STX16: variants seen among roughly 807,000 people sequenced by gnomAD.
STX16 encodes the protein syntaxin-16.
STX16 carries 28 observed loss-of-function variants against 42.7 expected under a neutral mutation model. That is an observed-to-expected ratio of 0.66 (90% CI 0.49 to 0.90). STX16 has a LOEUF of 0.90. Among genes scored for constraint, STX16 ranks in the 40% least tolerant of loss-of-function variants. STX16 has a pLI of 0.00. For missense variants in STX16, 361 were observed against 420.9 expected (o/e 0.86, Z 1.24); for synonymous variants, 156 against 155.2 (o/e 1.00, Z -0.04).
chr20:58,671,465 T>G (rs1336398503), intron 7 of STX16, among the ~76,000 whole-genome samples, 168 bp downstream of exon 7: 1 of 121,300 alleles, frequency 8.2e-6, no homozygotes, highest in Non-Finnish European at 1.8e-5. Context: ...TGTGTGTGTG[T>G]GTGTGTGTAT....
intron 2 of STX16, chr20:58,667,051 T>C: frequency 3.4e-6 from 1 of 293,622 alleles, no homozygotes; most frequent in Non-Finnish European, 6.6e-6. Context: ...TTGAGCATTT[T>C]GTAGTTGTTT....
At chr20:58,671,912 T>G in intron 7 of STX16, among the ~76,000 whole-genome samples, 1 of 152,150 alleles carries the variant, frequency 6.6e-6, no homozygotes, top group Non-Finnish European at 1.5e-5. Context: ...TCAGAAAATA[T>G]GAAGTTCAAA....
rs1006522264 is a variant in STX16 at position 58,651,810 on chromosome 20, G to T, written c.-197G>T. The stretch of plus-strand genomic sequence containing the variant: ...GTAGGGGGAGTCAGACAATTGGAAA[G>T]CCTAGGTAGTTATTTGGGGAGGGGT... On this transcript the variant is annotated 5_prime_UTR_variant, in exon 1 of 9. Transcript: ENST00000371141. 1.7e-6 allele frequency: 1 copy of T among 580,534 alleles called. No homozygotes were observed. Among genetic ancestry groups the T allele is most frequent in the Non-Finnish European group, 3.1e-6 (1 of 326,308 alleles). The allele number at this position is 580,534 out of a possible 1,614,324, so 36.0% of individuals were successfully genotyped here. A position where few individuals can be genotyped will look rare whatever the true frequency, so the allele number is the denominator to read the frequency against.
At position 58,679,381 on chromosome 20, in the gene STX16, T is replaced by C. The variant is rs897545181; in HGVS notation, c.*3090T>C. On this transcript the variant is annotated 3_prime_UTR_variant, in exon 9 of 9. Coordinates refer to ENST00000371141, the MANE Select transcript of STX16 (RefSeq NM_001001433.3). ...GATAAAACTTTTTTTCTTGTATGCT[T>C]AAATAAAGCAATTAGTGAAGCACTT... 6.6e-6 allele frequency: 1 copy of C among 152,664 alleles called. No homozygotes were observed. Among genetic ancestry groups the C allele is most frequent in the African/African-American group, 2.4e-5 (1 of 41,464 alleles). The allele number at this position is 152,664 out of a possible 1,614,324, so 9.5% of individuals were successfully genotyped here.
chr20:58,672,352 ATT>A (rs903873492), intron 7 of STX16, among the ~76,000 whole-genome samples: 2 of 151,928 alleles, frequency 1.3e-5, no homozygotes, highest in African/African-American at 4.8e-5. Context: ...ATATATATAT[ATT>A]GTATAAAATT....
intron 2 of STX16, 106 bp downstream of exon 2, chr20:58,659,740 AT>A: frequency 8.5e-7 from 1 of 1,179,030 alleles, no homozygotes; most frequent in Non-Finnish European, 1.2e-6. Flanking sequence ...GCTTATACAT[AT>A]TTAGCATTTG....
intron 2 of STX16, among the ~76,000 whole-genome samples, chr20:58,663,119 T>C (rs1436694532): frequency 3.3e-5 from 5 of 152,206 alleles, no homozygotes; most frequent in African/African-American, 4.8e-5. Context: ...TTCATTGCCA[T>C]AGACAGTCCA....
Position 58,652,113 on chromosome 20 carries a change from C to G in STX16, c.107C>G (p.Pro36Arg). The G allele has an allele frequency of 1.2e-6, 2 of 1,614,180 alleles. No individual in the cohort carries two copies. Among genetic ancestry groups the G allele is most frequent in the Non-Finnish European group, 1.7e-6 (2 of 1,180,036 alleles). Residue 36 changes from proline to arginine, a missense_variant, in exon 1 of 9, where the codon CCT (proline) becomes CGT (arginine). Pro to Arg is a moderately radical substitution (Grantham distance 103). Coordinates refer to ENST00000371141, the MANE Select transcript of STX16 (RefSeq NM_001001433.3). ...GTGAGTAGTCACATCACCTCCAGCC[C>G]TCTGCATTCACGTAGCATTGCTGCG... ...EQVSSHITSS[P>R]LHSRSIAAEL...
At chr20:58,671,431 T>TGTGTGG in intron 7 of STX16, 134 bp downstream of exon 7, 1 of 397,322 alleles carries the variant, frequency 2.5e-6, no homozygotes, top group Admixed American at 3.8e-5. Context: ...CCTTTATGTG[T>TGTGTGG]GTGTGGGTGT....
Position 58,652,153 on chromosome 20 carries a change from G to T in STX16, c.132+15G>T, listed in dbSNP as rs139859128. On this transcript the variant is annotated intron_variant, in intron 1 of 8. Transcript: ENST00000371141. ...GCATTGCTGCGGTGAGTCTCCTGGC[G>T]GCCTCTCCGACACACGGACCGTGTG... 26 of 1,612,850 alleles carry T rather than the reference G, an allele frequency of 1.6e-5. No homozygotes were observed. The highest frequency in any genetic ancestry group is 3.3e-4 in the Middle Eastern group (2 of 6,082).
intron 1 of STX16, among the ~76,000 whole-genome samples, chr20:58,652,969 A>G (rs1262541690): frequency 6.6e-6 from 1 of 152,036 alleles, no homozygotes; most frequent in Non-Finnish European, 1.5e-5. Flanking sequence ...AATGGGGGCT[A>G]CTTTTCCCTT....
At chr20:58,658,642 A>G (rs1297899983) in intron 1 of STX16, among the ~76,000 whole-genome samples, 8 of 152,248 alleles carry the variant, frequency 5.3e-5, no homozygotes, top group Non-Finnish European at 8.8e-5. Context: ...AAACATAAAA[A>G]AACACAATTG....
chr20:58,669,392 G>A lies in STX16; in HGVS notation c.495G>A (p.Leu165=). Residue 165 remains leucine (L), a synonymous_variant, in exon 5 of 9, where the codon CTG becomes CTA. Coordinates refer to ENST00000371141, the MANE Select transcript of STX16 (RefSeq NM_001001433.3). ...TGCTTGGGAACGTGGTGGCCTCGCT[G>A]GCGCAGGCCCTGCAGGAACTCTCCA... The part of the protein sequence containing the change: ...GRLLGNVVAS[L]AQALQELSTS... 2 of 1,612,030 alleles carry A rather than the reference G, an allele frequency of 1.2e-6. No homozygotes were observed. The highest frequency in any genetic ancestry group is 1.3e-5 in the African/African-American group (1 of 74,958).
In STX16 at chr20:58,652,036, C is replaced by T; in HGVS notation, c.30C>T (p.Phe10=). ...CCACCAGGCGTTTAACCGACGCTTT[C>T]TTGTTGTTGCGGAATAATTCCATCC... The part of the protein sequence containing the change: MATRRLTDA[F]LLLRNNSIQN... The change falls in exon 1 of 9, where the codon TTC becomes TTT. Residue 10 remains phenylalanine, a synonymous_variant. Transcript: ENST00000371141. 6.2e-7 allele frequency: 1 copy of T among 1,614,170 alleles called. No individual in the cohort carries two copies. Among genetic ancestry groups the T allele is most frequent in the Non-Finnish European group, 8.5e-7 (1 of 1,180,016 alleles).
Position 58,676,880 on chromosome 20 carries a change from A to G in STX16, c.*589A>G, listed in dbSNP as rs2084141758. The stretch of plus-strand genomic sequence containing the variant: ...TTCCATCACTGTTAATGATCAGAGT[A>G]ACAAAGTGTGAAAAATAAGAAACCA... On this transcript the variant is annotated 3_prime_UTR_variant, in exon 9 of 9. Coordinates refer to ENST00000371141, the MANE Select transcript of STX16 (RefSeq NM_001001433.3). 1.3e-5 allele frequency: 2 copies of G among 152,660 alleles called. No homozygotes were observed. The highest frequency in any genetic ancestry group is 2.9e-5 in the Non-Finnish European group (2 of 68,038). The allele number at this position is 152,660 out of a possible 1,614,324, so 9.5% of individuals were successfully genotyped here.
chr20:58,676,101 T>A, intron 8 of STX16, 86 bp from the exon 9 acceptor site: 1 of 1,057,012 alleles, frequency 9.5e-7, no homozygotes, highest in Admixed American at 1.7e-5. Context: ...TGCAGAGAGA[T>A]CTGGAAGCCT....
intron 2 of STX16, among the ~76,000 whole-genome samples, chr20:58,664,159 G>A (rs1333098318): frequency 6.6e-6 from 1 of 152,080 alleles, no homozygotes; most frequent in Non-Finnish European, 1.5e-5. Flanking sequence ...GGAAAGTGAG[G>A]TTTCTGAAAT....
intron 1 of STX16, among the ~76,000 whole-genome samples, chr20:58,656,532 T>G (rs2083590560): frequency 6.6e-6 from 1 of 152,226 alleles, no homozygotes; most frequent in Non-Finnish European, 1.5e-5. Flanking sequence ...CTGATGAAAT[T>G]CTGTATGGAT....
Position 58,669,388 on chromosome 20 carries a change from C to T in STX16, c.491C>T (p.Ser164Leu), listed in dbSNP as rs772850296. 8.1e-6 allele frequency: 13 copies of T among 1,612,012 alleles called. No individual in the cohort carries two copies. Among genetic ancestry groups the T allele is most frequent in the South Asian group, 2.2e-5 (2 of 90,918 alleles). Residue 164 changes from serine to leucine, a missense_variant, in exon 5 of 9, where the codon TCG (serine) becomes TTG (leucine). Coordinates refer to ENST00000371141, the MANE Select transcript of STX16 (RefSeq NM_001001433.3). ...EGRLLGNVVASLAQALQELST... is the reference protein window; with the variant it reads ...EGRLLGNVVALLAQALQELST... Reference sequence around the variant, plus strand: ...CGGCTGCTTGGGAACGTGGTGGCCTCGCTGGCGCAGGCCCTGCAGGAACTC... The same window carrying T: ...CGGCTGCTTGGGAACGTGGTGGCCTTGCTGGCGCAGGCCCTGCAGGAACTC...
Sources: gnomAD v4.1 joint callset for allele counts (sites outside exome capture counted in the v4.1 genomes callset) on GRCh38, gnomAD v4.1.1 for gene constraint, MANE v1.5 for transcripts, NCBI Gene and HGNC (gene_info 2026-07-23, HGNC 2026-07-21) for gene names.